RORA: variants seen among roughly 807,000 people sequenced by gnomAD.
RORA encodes the protein RAR related orphan receptor A.
In RORA, 7 loss-of-function variants were observed where a neutral mutation model predicts 69.5. That is an observed-to-expected ratio of 0.10 (90% CI 0.06 to 0.19). RORA has a LOEUF of 0.19. RORA is among the 10% of genes least tolerant of loss of function. The pLI, the probability that RORA is intolerant of heterozygous loss-of-function variation, is 1.00. For missense variants in RORA, 457 were observed against 663.0 expected (o/e 0.69, Z 3.41); for synonymous variants, 261 against 240.8 (o/e 1.08, Z -0.78).
intron 2 of RORA, among the ~76,000 whole-genome samples, chr15:60,636,442 G>A (rs543694445): frequency 5.3e-5 from 8 of 152,184 alleles, no homozygotes; most frequent in African/African-American, 1.4e-4. Context: ...TTTTAATAGC[G>A]AATCCCCGCC....
At chr15:60,584,972 T>G (rs2068290381) in intron 2 of RORA, among the ~76,000 whole-genome samples, 1 of 152,220 alleles carries the variant, frequency 6.6e-6, no homozygotes, top group Non-Finnish European at 1.5e-5. Context: ...TTCTTCTTTT[T>G]CATGAAACGC....
intron 1 of RORA, among the ~76,000 whole-genome samples, chr15:61,196,742 C>T (rs2079848874): frequency 6.6e-6 from 1 of 152,150 alleles, no homozygotes; most frequent in Admixed American, 6.5e-5. Flanking sequence ...TAAAAAGTCA[C>T]CTAATGGCAC....
intron 1 of RORA, among the ~76,000 whole-genome samples, chr15:61,004,249 A>AGAGAGAG (rs1387147205): frequency 3.3e-5 from 5 of 150,226 alleles, no homozygotes; most frequent in Non-Finnish European, 7.4e-5. Context: ...AGAAATGGGG[A>AGAGAGAG]GAGAGAGGAG....
intron 2 of RORA, among the ~76,000 whole-genome samples, chr15:60,625,675 T>C (rs1052684304): frequency 6.6e-6 from 1 of 152,228 alleles, no homozygotes; most frequent in African/African-American, 2.4e-5. Context: ...TCTAAAGATG[T>C]GGCGTGAATT....
chr15:61,002,401 G>A (rs1424049333), intron 1 of RORA, among the ~76,000 whole-genome samples: 1 of 152,160 alleles, frequency 6.6e-6, no homozygotes, highest in Non-Finnish European at 1.5e-5. Flanking sequence ...CTTCCACATG[G>A]CAAGTTTTAT....
At chr15:60,981,387 A>T (rs1894040766) in intron 1 of RORA, among the ~76,000 whole-genome samples, 1 of 152,062 alleles carries the variant, frequency 6.6e-6, no homozygotes, top group Non-Finnish European at 1.5e-5. Flanking sequence ...TATTTCTTCA[A>T]ATCATGGTTC....
intron 2 of RORA, chr15:60,592,424 C>G: frequency 7.0e-7 from 1 of 1,432,402 alleles, no homozygotes; most frequent in Non-Finnish European, 9.2e-7. Flanking sequence ...TCATTTAAGC[C>G]GCGGTGCGGA....
intron 1 of RORA, among the ~76,000 whole-genome samples, chr15:60,925,644 A>T (rs367929108): frequency 6.6e-6 from 1 of 152,210 alleles, no homozygotes; most frequent in East Asian, 1.9e-4. Flanking sequence ...TGATACAGTG[A>T]ATGATCATCA....
chr15:60,527,512 C>T (rs1005920532), intron 3 of RORA, among the ~76,000 whole-genome samples: 1 of 152,206 alleles, frequency 6.6e-6, no homozygotes, highest in Non-Finnish European at 1.5e-5. Context: ...CAGGCCTGCC[C>T]CAGCTCACGT....
chr15:61,180,824 C>T (rs1041494301), intron 1 of RORA, among the ~76,000 whole-genome samples: 9 of 152,166 alleles, frequency 5.9e-5, no homozygotes, highest in South Asian at 2.1e-4. Flanking sequence ...AAAGGCCAGG[C>T]GTGGTGGCTC....
rs1260960799 is a variant in RORA at position 60,516,217 on chromosome 15, ATATATT to A, written c.283-1466_283-1461del. 4.4e-4 allele frequency among the ~76,000 whole-genome samples: 5 copies of A among 11,310 alleles called. 1 individual carries two copies. The East Asian group carries it at 8.5e-3, about 19-fold the overall frequency. 7.4% of individuals were successfully genotyped at this position (11,310 alleles called of 152,430 possible). On this transcript the variant is annotated intron_variant, in intron 3 of 10. Transcript: ENST00000335670. ...TATATTTATATATATATTTATATAT[ATATATT>A]TATATATATATTTATATATATATAT...
At chr15:60,678,627 C>T (rs1458790776) in intron 2 of RORA, 30 bp downstream of exon 2, 1 of 1,574,980 alleles carries the variant, frequency 6.3e-7, no homozygotes, top group Admixed American at 1.7e-5. Context: ...CTTCAGAAAA[C>T]TTTGGACAGA....
At chr15:61,051,924 G>C (rs1020195957) in intron 1 of RORA, among the ~76,000 whole-genome samples, 2 of 152,208 alleles carry the variant, frequency 1.3e-5, no homozygotes, top group Non-Finnish European at 2.9e-5. Flanking sequence ...CCTTTCAGCA[G>C]AAAGGGAGGG....
intron 1 of RORA, among the ~76,000 whole-genome samples, chr15:60,863,717 A>G (rs921006528): frequency 1.3e-5 from 2 of 152,230 alleles, no homozygotes; most frequent in African/African-American, 4.8e-5. Flanking sequence ...GCAGAGCTTC[A>G]AACTCAGTCA....
intron 1 of RORA, among the ~76,000 whole-genome samples, chr15:60,918,966 C>T (rs1891957801): frequency 6.6e-6 from 1 of 152,154 alleles, no homozygotes; most frequent in African/African-American, 2.4e-5. Flanking sequence ...CTGTCCTCTG[C>T]TCTGTGGGGA....
At chr15:60,591,722 C>T in intron 2 of RORA, among the ~76,000 whole-genome samples, 1 of 152,126 alleles carries the variant, frequency 6.6e-6, no homozygotes, top group Admixed American at 6.5e-5. Flanking sequence ...GCTCCCTGGG[C>T]CGCCCAGAGC....
rs144435153 is a variant in RORA, at chr15:60,947,931, T to C, written c.167-269245A>G. On this transcript the variant is annotated intron_variant, in intron 1 of 10. Transcript: ENST00000335670. ...TTGTGGGCATCAGAAGTGGCATTAGTGCTATCCACAGACAACAACACCACC... is the reference window on the plus strand; with the variant it reads ...TTGTGGGCATCAGAAGTGGCATTAGCGCTATCCACAGACAACAACACCACC... 1.2e-3 allele frequency among the ~76,000 whole-genome samples: 181 copies of C among 152,254 alleles called. 4 individuals are homozygous for C. The East Asian group carries it at 0.032, about 27-fold the overall frequency.
At chr15:60,506,642 C>T (rs1242499097) in intron 5 of RORA, among the ~76,000 whole-genome samples, 1 of 151,952 alleles carries the variant, frequency 6.6e-6, no homozygotes, top group Non-Finnish European at 1.5e-5. Context: ...CACTTGAGGT[C>T]AGGAGTTCAA....
intron 1 of RORA, among the ~76,000 whole-genome samples, chr15:61,031,085 C>T (rs1014870826): frequency 6.6e-6 from 1 of 152,086 alleles, no homozygotes; most frequent in Admixed American, 6.6e-5. Flanking sequence ...AATTTATTTA[C>T]AAATTGTCAC....
Sources: gnomAD v4.1 joint callset for allele counts (sites outside exome capture counted in the v4.1 genomes callset) on GRCh38, gnomAD v4.1.1 for gene constraint, MANE v1.5 for transcripts, NCBI Gene and HGNC (gene_info 2026-07-23, HGNC 2026-07-21) for gene names.